The following AKAP13 variants were observed in gnomAD, a reference collection of about 807,000 sequenced individuals.
AKAP13 encodes A-kinase anchor protein 13.
A neutral mutation model predicts 264.5 loss-of-function variants in AKAP13; 80 were observed. The observed-to-expected ratio is 0.30, with a 90% CI of 0.25 to 0.36. AKAP13 has a LOEUF of 0.36. AKAP13 is among the 10% of genes least tolerant of loss of function. The probability of loss-of-function intolerance (pLI) is 1.00; values close to 1 mark genes in which losing one functional copy is unlikely to be tolerated. For synonymous variants in AKAP13, 1,380 were observed against 1,250.2 expected (o/e 1.10, Z -2.19); for missense variants, 3,712 against 3,435.2 (o/e 1.08, Z -2.01).
In AKAP13 at chr15:85,580,868, T is replaced by G. The variant is rs1344813530; in HGVS notation, c.2800T>G (p.Cys934Gly). 31 of 1,614,066 alleles carry G rather than the reference T, an allele frequency of 1.9e-5. No individual in the cohort carries two copies. Among genetic ancestry groups the G allele is most frequent in the Non-Finnish European group, 2.5e-5 (29 of 1,180,044 alleles). The change falls in exon 7 of 37, where the codon TGT (cysteine) becomes GGT (glycine). Residue 934 changes from cysteine to glycine, a missense_variant. By Grantham distance (159) the Cys-to-Gly change is radical (BLOSUM62 -3). This residue lies in a region of AKAP13 where 2,759 missense variants were observed against 2,411.7 expected (regional missense o/e 1.14). Transcript: ENST00000394518. ...ACAAGATAAGGATAAAGCGGTGACCTGTTCCTCTATTAAGGAAAATGCTCT... is the reference window on the plus strand; with the variant it reads ...ACAAGATAAGGATAAAGCGGTGACCGGTTCCTCTATTAAGGAAAATGCTCT... Reference protein sequence around the residue: ...QEQDKDKAVTCSSIKENALSS... With the variant: ...QEQDKDKAVTGSSIKENALSS...
At chr15:85,663,371 T>C (rs368097071) in intron 12 of AKAP13, among the ~76,000 whole-genome samples, 40 of 152,120 alleles carry the variant, frequency 2.6e-4, no homozygotes, top group South Asian at 8.3e-4. Context: ...TACTTGTAGT[T>C]AGTCATGATT....
In AKAP13 at chr15:85,745,360, G is replaced by A. The variant is rs771701153; in HGVS notation, c.*683G>A. ...TGAAACCAGTGAGAGAAGGCTTGAT[G>A]TGTATAAAAGACGTGATGTGCACCA... On this transcript the variant is annotated 3_prime_UTR_variant, in exon 37 of 37. Coordinates refer to ENST00000394518, the MANE Select transcript of AKAP13 (RefSeq NM_007200.5). 3.3e-5 allele frequency: 5 copies of A among 151,902 alleles called. No homozygotes were observed. Among genetic ancestry groups the A allele is most frequent in the Non-Finnish European group, 7.3e-5 (5 of 68,032 alleles). The allele number at this position is 151,902 out of a possible 1,614,324, so 9.4% of individuals were successfully genotyped here.
chr15:85,732,193 G>A (rs1323271464), intron 30 of AKAP13, among the ~76,000 whole-genome samples: 1 of 151,812 alleles, frequency 6.6e-6, no homozygotes, highest in Non-Finnish European at 1.5e-5. Context: ...TTCTAGTCCT[G>A]TGGACGTGAC....
At position 85,412,474 on chromosome 15, in the gene AKAP13, A is replaced by G. The variant is rs552058296; in HGVS notation, c.-12+31676A>G. 2.6e-5 allele frequency among the ~76,000 whole-genome samples: 4 copies of G among 152,254 alleles called. No individual in the cohort carries two copies. The South Asian group carries it at 8.3e-4, about 32-fold the overall frequency. On this transcript the variant is annotated intron_variant, in intron 1 of 36. Coordinates refer to ENST00000394518, the MANE Select transcript of AKAP13 (RefSeq NM_007200.5). ...AAATGTAAAACAGTGCCACGTTCTTATTTTTGTTTTGTTTTGGAAAACATA... is the reference window on the plus strand; with the variant it reads ...AAATGTAAAACAGTGCCACGTTCTTGTTTTTGTTTTGTTTTGGAAAACATA...
intron 5 of AKAP13, among the ~76,000 whole-genome samples, chr15:85,545,943 A>C (rs114563512): frequency 6.6e-6 from 1 of 152,112 alleles, no homozygotes; most frequent in Admixed American, 6.5e-5. Flanking sequence ...AACCATCACC[A>C]CTATTATTTC....
In AKAP13 at chr15:85,514,510, G is replaced by A. The variant is rs138031175; in HGVS notation, c.34-6918G>A. 2.5e-4 allele frequency among the ~76,000 whole-genome samples: 34 copies of A among 137,586 alleles called. 4 individuals are homozygous for A. The East Asian group carries it at 7.0e-3, about 28-fold the overall frequency. 90.3% of individuals were successfully genotyped at this position (137,586 alleles called of 152,430 possible). A position where few individuals can be genotyped will look rare whatever the true frequency, so the allele number is the denominator to read the frequency against. ...ATACTCTGACCCAGGCCTGGAATCA[G>A]CCAAGTCTCTGAAGGGACTCGGTTC... On this transcript the variant is annotated intron_variant, in intron 2 of 36. Coordinates refer to ENST00000394518, the MANE Select transcript of AKAP13 (RefSeq NM_007200.5).
intron 2 of AKAP13, among the ~76,000 whole-genome samples, chr15:85,508,422 C>T (rs1204345327): frequency 6.6e-6 from 1 of 152,098 alleles, no homozygotes; most frequent in Admixed American, 6.6e-5. Context: ...GGATTACAGA[C>T]GTGCGCTATC....
intron 1 of AKAP13, among the ~76,000 whole-genome samples, chr15:85,477,794 G>A (rs1211732035): frequency 1.3e-5 from 2 of 152,082 alleles, no homozygotes; most frequent in Non-Finnish European, 2.9e-5. Flanking sequence ...AGTGGTTTAT[G>A]TATTTTCTTC....
chr15:85,397,546 A>G (rs2150825237), intron 1 of AKAP13, among the ~76,000 whole-genome samples: 1 of 152,316 alleles, frequency 6.6e-6, no homozygotes, highest in East Asian at 1.9e-4. Flanking sequence ...CTGCGGGGAC[A>G]AGTTCACTAA....
chr15:85,647,681 C>A (rs1049210205), intron 10 of AKAP13, among the ~76,000 whole-genome samples: 2 of 152,158 alleles, frequency 1.3e-5, no homozygotes, highest in African/African-American at 4.8e-5. Flanking sequence ...CGCAATGGCT[C>A]ACGCCTGTAA....
chr15:85,710,752 C>G, intron 19 of AKAP13, 107 bp downstream of exon 19: 1 of 1,254,228 alleles, frequency 8.0e-7, no homozygotes, highest in Non-Finnish European at 1.1e-6. Context: ...ATATGAATAC[C>G]TATTTTGTGG....
chr15:85,513,019 G>T (rs1245869887), intron 2 of AKAP13, among the ~76,000 whole-genome samples: 1 of 151,982 alleles, frequency 6.6e-6, no homozygotes, highest in Non-Finnish European at 1.5e-5. Flanking sequence ...ACCATGCCCG[G>T]CTAATTTTTT....
At chr15:85,413,386 A>T (rs554855179) in intron 1 of AKAP13, among the ~76,000 whole-genome samples, 4 of 152,340 alleles carry the variant, frequency 2.6e-5, no homozygotes, top group African/African-American at 7.2e-5. Context: ...GGATGGCTGT[A>T]GTTCAGTTGT....
chr15:85,551,399 G>A (rs1382575823), intron 5 of AKAP13, among the ~76,000 whole-genome samples: 1 of 152,136 alleles, frequency 6.6e-6, no homozygotes, highest in East Asian at 1.9e-4. Context: ...TTGAAGGTGG[G>A]CGTTTTATCT....
intron 9 of AKAP13, among the ~76,000 whole-genome samples, chr15:85,641,079 C>G (rs2082286173): frequency 6.6e-6 from 1 of 152,130 alleles, no homozygotes; most frequent in South Asian, 2.1e-4. Context: ...ATCCCAGGTA[C>G]TTTGTTTTGC....
At chr15:85,523,787 C>T (rs2076918256) in intron 3 of AKAP13, among the ~76,000 whole-genome samples, 1 of 152,126 alleles carries the variant, frequency 6.6e-6, no homozygotes. Context: ...CACACTCGCA[C>T]TCACACGTAA....
intron 5 of AKAP13, among the ~76,000 whole-genome samples, chr15:85,544,538 C>G (rs532092094): frequency 6.6e-6 from 1 of 152,260 alleles, no homozygotes; most frequent in Non-Finnish European, 1.5e-5. Context: ...GAAATCCTGT[C>G]TGTTTTTGGG....
intron 14 of AKAP13, among the ~76,000 whole-genome samples, chr15:85,681,632 T>G (rs2084605151): frequency 6.6e-6 from 1 of 151,784 alleles, no homozygotes; most frequent in Non-Finnish European, 1.5e-5. Flanking sequence ...CCCAAATTAG[T>G]GACAGGGCGA....
At chr15:85,558,844 G>A (rs1019166347) in intron 5 of AKAP13, among the ~76,000 whole-genome samples, 1 of 151,944 alleles carries the variant, frequency 6.6e-6, no homozygotes, top group Non-Finnish European at 1.5e-5. Flanking sequence ...CAGGGTTTCT[G>A]TTTGATTTTG....
Sources: gnomAD v4.1 joint callset for allele counts (sites outside exome capture counted in the v4.1 genomes callset) on GRCh38, gnomAD v4.1.1 for gene constraint, gnomAD v4.1.1 regional missense constraint, MANE v1.5 for transcripts, NCBI Gene and HGNC (gene_info 2026-07-23, HGNC 2026-07-21) for gene names.